CACNA2D2: variants seen among roughly 807,000 people sequenced by gnomAD.
CACNA2D2 encodes voltage-dependent calcium channel subunit alpha-2/delta-2.
Under a neutral mutation model 166.4 loss-of-function variants are expected in CACNA2D2, and 48 were observed. That is an observed-to-expected ratio of 0.29 (90% CI 0.23 to 0.37). CACNA2D2 has a LOEUF of 0.37. CACNA2D2 is among the 10% of genes least tolerant of loss of function. The pLI, the probability that CACNA2D2 is intolerant of heterozygous loss-of-function variation, is 1.00. For synonymous variants in CACNA2D2, 561 were observed against 573.7 expected (o/e 0.98, Z 0.32); for missense variants, 1,122 against 1,433.0 (o/e 0.78, Z 3.50).
chr3:50,401,317 G>C (rs1706440833), intron 3 of CACNA2D2, among the ~76,000 whole-genome samples: 1 of 152,106 alleles, frequency 6.6e-6, no homozygotes, highest in African/African-American at 2.4e-5. Context: ...ACTCATTCGA[G>C]TTGTGGTCTC....
intron 3 of CACNA2D2, among the ~76,000 whole-genome samples, chr3:50,397,239 C>G (rs1706207248): frequency 6.6e-6 from 1 of 152,220 alleles, no homozygotes; most frequent in South Asian, 2.1e-4. Flanking sequence ...ATAGCCACAG[C>G]AAAAGGATTA....
At chr3:50,428,334 G>A (rs182782134) in intron 3 of CACNA2D2, among the ~76,000 whole-genome samples, 16 of 152,230 alleles carry the variant, frequency 1.1e-4, no homozygotes, top group African/African-American at 3.1e-4. Flanking sequence ...TAGAAAGGAG[G>A]TGGGAGCTGG....
chr3:50,425,399 C>T (rs1707760740), intron 3 of CACNA2D2, among the ~76,000 whole-genome samples: 1 of 152,198 alleles, frequency 6.6e-6, no homozygotes, highest in African/African-American at 2.4e-5. Context: ...ATGCTACCTC[C>T]TCCAGGCTGT....
At chr3:50,439,787 G>A (rs959519949) in intron 2 of CACNA2D2, among the ~76,000 whole-genome samples, 2 of 152,202 alleles carry the variant, frequency 1.3e-5, no homozygotes, top group African/African-American at 4.8e-5. Context: ...TGTTGGGTGG[G>A]TGGCTAGGGG....
rs1177049102 is a variant in CACNA2D2, at chr3:50,366,439, C to G, written c.2638-101G>C. ...TCAGAGTTGGGGGGCATCACTCCCC[C>G]AGTCCTGGGAAGGCTGTGAAGTCAG... is the stretch of plus-strand genomic sequence containing the variant. On this transcript the variant is annotated intron_variant, in intron 30 of 37. Coordinates refer to ENST00000424201, the MANE Select transcript of CACNA2D2 (RefSeq NM_006030.4). The surrounding 1 kb of genome is among the most constrained non-coding windows in gnomAD (Gnocchi z 5.9). 15 of 1,472,880 alleles carry G rather than the reference C, an allele frequency of 1.0e-5. No homozygotes were observed. In the African/African-American group the frequency reaches 1.9e-4, roughly 19 times the overall value. 91.2% of individuals were successfully genotyped at this position (1,472,880 alleles called of 1,614,324 possible).
intron 4 of CACNA2D2, among the ~76,000 whole-genome samples, chr3:50,389,639 T>C (rs1286152204): frequency 6.6e-6 from 1 of 152,224 alleles, no homozygotes; most frequent in East Asian, 1.9e-4. Flanking sequence ...GGGCCACCTC[T>C]CCAGCTGCTC....
At chr3:50,411,122 C>T (rs1408946598) in intron 3 of CACNA2D2, among the ~76,000 whole-genome samples, 2 of 152,192 alleles carry the variant, frequency 1.3e-5, no homozygotes, top group Non-Finnish European at 2.9e-5. Context: ...GCTCCACCAC[C>T]TGCCCACTCA....
intron 4 of CACNA2D2, 58 bp from the exon 5 acceptor site, chr3:50,387,670 C>T: frequency 7.3e-7 from 1 of 1,375,648 alleles, no homozygotes; most frequent in Non-Finnish European, 1.0e-6. Context: ...ACAGACAGGA[C>T]TCCTAGCCCC....
chr3:50,503,027 C>T (rs1462548248), intron 1 of CACNA2D2, among the ~76,000 whole-genome samples, 191 bp downstream of exon 1: 1 of 152,198 alleles, frequency 6.6e-6, no homozygotes, highest in Admixed American at 6.5e-5. Flanking sequence ...GGAAGTTTCG[C>T]GACGCAGCCA....
At chr3:50,495,638 C>T (rs1034136084) in intron 1 of CACNA2D2, among the ~76,000 whole-genome samples, 3 of 152,238 alleles carry the variant, frequency 2.0e-5, no homozygotes, top group Admixed American at 2.0e-4. Context: ...CAGCCCAAAT[C>T]GTGCCCACAG....
rs946100897 is a variant in CACNA2D2 at position 50,380,511 on chromosome 3, C to T, written c.842+237G>A. ...GACCCCTTCTGGTCCAATCTCCCTT[C>T]CAATCTCTCAGTCCTGAGTGGGTGG... On this transcript the variant is annotated intron_variant, in intron 8 of 37. Coordinates refer to ENST00000424201, the MANE Select transcript of CACNA2D2 (RefSeq NM_006030.4). This position sits in a 1 kb window ranked among gnomAD's most constrained non-coding sequence, Gnocchi z 4.9. 6.6e-6 allele frequency among the ~76,000 whole-genome samples: 1 copy of T among 152,188 alleles called. No homozygotes were observed. The highest frequency in any genetic ancestry group is 6.5e-5 in the Admixed American group (1 of 15,290).
chr3:50,480,609 G>A (rs1698004936), intron 1 of CACNA2D2, among the ~76,000 whole-genome samples: 1 of 151,658 alleles, frequency 6.6e-6, no homozygotes, highest in Non-Finnish European at 1.5e-5. Context: ...ACCAAGAGGA[G>A]TTGGGGAGGG....
chr3:50,499,894 C>T (rs1698886116), intron 1 of CACNA2D2, among the ~76,000 whole-genome samples: 1 of 152,096 alleles, frequency 6.6e-6, no homozygotes, highest in African/African-American at 2.4e-5. Context: ...AGGGTCCCCC[C>T]AAAGTCCTCC....
chr3:50,471,388 G>C lies in CACNA2D2; in HGVS notation c.288+4730C>G, dbSNP rs1036863742. 3.9e-5 allele frequency among the ~76,000 whole-genome samples: 6 copies of C among 152,158 alleles called. 1 individual carries two copies. Among genetic ancestry groups the C allele is most frequent in the Non-Finnish European group, 7.4e-5 (5 of 68,018 alleles). ...TGAGGGGACCTTCTGTGGGGTCTAG[G>C]GGGGACAGCTTCTTGTGCTCCTCTT... On this transcript the variant is annotated intron_variant, in intron 2 of 37. Coordinates refer to ENST00000424201, the MANE Select transcript of CACNA2D2 (RefSeq NM_006030.4).
At position 50,365,023 on chromosome 3, in the gene CACNA2D2, G is replaced by T; in HGVS notation, c.3208+52C>A. On this transcript the variant is annotated intron_variant, in intron 36 of 37. Coordinates refer to ENST00000424201, the MANE Select transcript of CACNA2D2 (RefSeq NM_006030.4). This position sits in a 1 kb window ranked among gnomAD's most constrained non-coding sequence, Gnocchi z 4.5. ...CGGACGGCGGCGGCGGCACGGAGGG[G>T]GCGCGCGGGGCAGAGGGGGAGCGGG... The T allele has an allele frequency of 1.2e-6, 2 of 1,602,236 alleles. No individual in the cohort carries two copies. The highest frequency in any genetic ancestry group is 1.7e-6 in the Non-Finnish European group (2 of 1,174,860).
At chr3:50,479,687 GC>G (rs1483257138) in intron 1 of CACNA2D2, among the ~76,000 whole-genome samples, 1 of 151,294 alleles carries the variant, frequency 6.6e-6, no homozygotes, top group African/African-American at 2.5e-5. Context: ...AAGGGAGGGG[GC>G]CTTGGAAAGA....
At chr3:50,386,778 C>A (rs1312666861) in intron 5 of CACNA2D2, among the ~76,000 whole-genome samples, 2 of 152,236 alleles carry the variant, frequency 1.3e-5, no homozygotes, top group Non-Finnish European at 2.9e-5. Flanking sequence ...AGACACTGTG[C>A]TGCTGTGACA....
chr3:50,459,403 T>C (rs777324894), intron 2 of CACNA2D2, among the ~76,000 whole-genome samples: 1 of 152,110 alleles, frequency 6.6e-6, no homozygotes, highest in South Asian at 2.1e-4. Flanking sequence ...TCACTACTAA[T>C]CTGCTGGGCC....
chr3:50,395,066 C>A (rs935660225), intron 3 of CACNA2D2, among the ~76,000 whole-genome samples: 34 of 152,202 alleles, frequency 2.2e-4, no homozygotes, highest in African/African-American at 7.2e-4. Context: ...TACAGGAAAC[C>A]TTGGGGCTCC....
Sources: gnomAD v4.1 joint callset for allele counts (sites outside exome capture counted in the v4.1 genomes callset) on GRCh38, gnomAD v4.1.1 for gene constraint, Gnocchi (gnomAD v3.1) non-coding constraint, MANE v1.5 for transcripts, NCBI Gene and HGNC (gene_info 2026-07-23, HGNC 2026-07-21) for gene names.